Variants in NXPE2 observed in about 807,000 individuals in gnomAD.
NXPE2 encodes the protein neurexophilin and PC-esterase domain family member 2.
A neutral mutation model predicts 34.4 loss-of-function variants in NXPE2; 34 were observed. The ratio of observed to expected loss-of-function variants is 0.99; its 90% CI spans 0.75 to 1.31. The LOEUF (loss-of-function observed/expected upper bound fraction) is 1.31, where lower values mean the gene tolerates loss of function less well. NXPE2 is among the 40% of genes most tolerant of loss of function. The pLI, the probability that NXPE2 is intolerant of heterozygous loss-of-function variation, is 0.00. For synonymous variants in NXPE2, 235 were observed against 231.3 expected (o/e 1.02, Z -0.15); for missense variants, 649 against 672.5 (o/e 0.97, Z 0.39).
chr11:114,534,730 G>C, the NXPE2 span, among the ~76,000 whole-genome samples: 4 of 152,068 alleles, frequency 2.6e-5, no homozygotes, highest in African/African-American at 7.2e-5. Flanking sequence ...AGAGAAGTTT[G>C]GAGAAAAAAG....
chr11:114,614,072 A>G, the NXPE2 span, among the ~76,000 whole-genome samples: 9 of 148,948 alleles, frequency 6.0e-5, no homozygotes, highest in South Asian at 1.1e-3. Context: ...CGCCTCATGC[A>G]TAACCACTGA....
chr11:114,620,047 T>A, the NXPE2 span, among the ~76,000 whole-genome samples: 10 of 152,088 alleles, frequency 6.6e-5, no homozygotes, highest in Non-Finnish European at 1.3e-4. Flanking sequence ...TACTGCCTCG[T>A]GGGTAACCAC....
the NXPE2 span, among the ~76,000 whole-genome samples, chr11:114,636,173 C>A: frequency 6.6e-6 from 1 of 151,906 alleles, no homozygotes; most frequent in South Asian, 2.1e-4. Flanking sequence ...GATTCAACTT[C>A]TTCCTGGTTT....
the NXPE2 span, among the ~76,000 whole-genome samples, chr11:114,784,678 A>T: frequency 6.6e-6 from 1 of 151,982 alleles, no homozygotes; most frequent in Non-Finnish European, 1.5e-5. Flanking sequence ...CTAAGGGGGG[A>T]AAAAAAGCTC....
chr11:114,564,765 A>G, the NXPE2 span, among the ~76,000 whole-genome samples: 32 of 152,298 alleles, frequency 2.1e-4, 1 homozygote, highest in East Asian at 6.0e-3. Context: ...GCAAGAATAT[A>G]TGTTTCATAT....
At chr11:114,583,031 C>G in the NXPE2 span, 1 of 1,596,922 alleles carries the variant, frequency 6.3e-7, no homozygotes, top group Non-Finnish European at 8.5e-7. Context: ...CCTGAAATGA[C>G]AGCAAATGTG....
At chr11:114,582,582 A>G in the NXPE2 span, 1 of 1,614,074 alleles carries the variant, frequency 6.2e-7, no homozygotes, top group African/African-American at 1.3e-5. Flanking sequence ...GATGAGCAGC[A>G]GAGACAGAGA....
the NXPE2 span, among the ~76,000 whole-genome samples, chr11:114,790,155 T>A: frequency 6.6e-6 from 1 of 152,124 alleles, no homozygotes; most frequent in Admixed American, 6.5e-5. Flanking sequence ...TCATCTTGAC[T>A]CAGGAGTATA....
At chr11:114,775,147 G>A in the NXPE2 span, among the ~76,000 whole-genome samples, 1 of 152,178 alleles carries the variant, frequency 6.6e-6, no homozygotes, top group Non-Finnish European at 1.5e-5. Flanking sequence ...GGGACGCTGG[G>A]TGCACCTAAG....
the NXPE2 span, among the ~76,000 whole-genome samples, chr11:114,622,137 G>A: frequency 2.0e-5 from 3 of 152,026 alleles, no homozygotes; most frequent in Admixed American, 6.6e-5. Flanking sequence ...AATAAATATT[G>A]CCTCATGGGT....
chr11:114,628,873 A>G, the NXPE2 span, among the ~76,000 whole-genome samples: 94 of 152,140 alleles, frequency 6.2e-4, no homozygotes, highest in Middle Eastern at 0.014. Flanking sequence ...ACAAACTACC[A>G]TCAGAGAATG....
rs1951203671 is a variant in NXPE2 at position 114,694,082 on chromosome 11, A to G, written c.133-3963A>G. On this transcript the variant is annotated intron_variant, in intron 2 of 5. Transcript: ENST00000389586. Reference sequence around the variant, plus strand: ...CATTTTCAGAACAACATGGAGTGACATTGGTCTAAATCTTTTTCACACTGC... The same window carrying G: ...CATTTTCAGAACAACATGGAGTGACGTTGGTCTAAATCTTTTTCACACTGC... 2.0e-5 allele frequency among the ~76,000 whole-genome samples: 3 copies of G among 152,286 alleles called. No individual in the cohort carries two copies. The South Asian group carries it at 6.2e-4, about 32-fold the overall frequency.
At chr11:114,561,774 C>G in the NXPE2 span, among the ~76,000 whole-genome samples, 1,529 of 152,224 alleles carry the variant, frequency 0.01, 34 homozygotes, top group African/African-American at 0.035. Context: ...TTATCTTCAT[C>G]ATGTTTGGCG....
the NXPE2 span, among the ~76,000 whole-genome samples, chr11:114,571,668 A>G: frequency 2.6e-5 from 4 of 152,216 alleles, no homozygotes; most frequent in Admixed American, 1.3e-4. Context: ...TTGGATTAAG[A>G]TGGTGGATAG....
the NXPE2 span, chr11:114,513,033 C>G: frequency 2.4e-6 from 1 of 419,028 alleles, no homozygotes; most frequent in East Asian, 6.0e-5. Context: ...ACAGGGGTAT[C>G]TGACCCCCCC....
the NXPE2 span, among the ~76,000 whole-genome samples, chr11:114,464,758 A>G: frequency 2.1e-4 from 32 of 152,312 alleles, no homozygotes; most frequent in African/African-American, 7.7e-4. Context: ...TAAATCTACC[A>G]TAAAGACACA....
the NXPE2 span, among the ~76,000 whole-genome samples, chr11:114,464,833 A>G: frequency 6.6e-6 from 1 of 152,116 alleles, no homozygotes; most frequent in South Asian, 2.1e-4. Context: ...CCTAATATAC[A>G]AAAATATTTC....
At chr11:114,792,385 A>T in the NXPE2 span, among the ~76,000 whole-genome samples, 33 of 151,844 alleles carry the variant, frequency 2.2e-4, no homozygotes, top group African/African-American at 7.2e-4. Context: ...ACTAGTCTGG[A>T]CTCTGACCCC....
At chr11:114,639,156 C>T in the NXPE2 span, among the ~76,000 whole-genome samples, 1 of 152,178 alleles carries the variant, frequency 6.6e-6, no homozygotes, top group East Asian at 1.9e-4. Flanking sequence ...TTTACCTAAG[C>T]AAGCCTGGGC....
Sources: gnomAD v4.1 joint callset for allele counts (sites outside exome capture counted in the v4.1 genomes callset) on GRCh38, gnomAD v4.1.1 for gene constraint, MANE v1.5 for transcripts, NCBI Gene and HGNC (gene_info 2026-07-23, HGNC 2026-07-21) for gene names.